The following AGMAT variants were observed in gnomAD, a reference collection of about 807,000 sequenced individuals.
The protein encoded by AGMAT is agmatinase (putative).
In AGMAT, 37 loss-of-function variants were observed where a neutral mutation model predicts 29.3. That is an observed-to-expected ratio of 1.26 (90% CI 0.97 to 1.66). The LOEUF (loss-of-function observed/expected upper bound fraction) is 1.66, where lower values mean the gene tolerates loss of function less well. Ranked by LOEUF, AGMAT falls within the 40% of genes most tolerant of loss-of-function variation. The pLI is 0.00. For missense variants in AGMAT, 498 were observed against 497.8 expected (o/e 1.00, Z 0.00); for synonymous variants, 199 against 200.8 (o/e 0.99, Z 0.08).
chr1:15,573,694 A>C lies in AGMAT; in HGVS notation c.1016T>G (p.Leu339Arg), dbSNP rs769761453. 2 of 1,614,222 alleles carry C rather than the reference A, an allele frequency of 1.2e-6. No individual in the cohort carries two copies. The highest frequency in any genetic ancestry group is 1.7e-4 in the Middle Eastern group (1 of 6,058). The change falls in exon 7 of 7, where the codon CTG becomes CGG. Residue 339 changes from leucine (L) to arginine (R), a missense_variant. Transcript: ENST00000375826. The stretch of plus-strand genomic sequence containing the variant: ...GGGGAGAGCACATAGCATCTCAAAC[A>C]GCAGGTTAGCCGCCAGCAGGGCTGT... ...GNTALLAANL[L>R]FEMLCALPKV...
chr1:15,578,544 C>T (rs1639069903), intron 4 of AGMAT, among the ~76,000 whole-genome samples: 2 of 152,122 alleles, frequency 1.3e-5, no homozygotes, highest in South Asian at 4.2e-4. Flanking sequence ...ATCCACCCAC[C>T]TTAGCCTCCC....
intron 1 of AGMAT, among the ~76,000 whole-genome samples, chr1:15,583,785 G>C (rs1281215207): frequency 6.6e-6 from 1 of 152,162 alleles, no homozygotes; most frequent in Non-Finnish European, 1.5e-5. Flanking sequence ...ATTAAATGAG[G>C]TAATCTATGC....
intron 5 of AGMAT, 38 bp from the exon 6 acceptor site, chr1:15,574,879 T>C: frequency 6.4e-7 from 1 of 1,552,216 alleles, no homozygotes; most frequent in Non-Finnish European, 8.9e-7. Context: ...ACAGTGGTAA[T>C]CATTTACAGT....
rs144825227 is a variant in AGMAT at position 15,576,740 on chromosome 1, C to T, written c.900+945G>A. Among the ~76,000 whole-genome samples, 121 of 35,756 alleles carry T rather than the reference C, an allele frequency of 3.4e-3. 1 individual carries two copies. Among genetic ancestry groups the T allele is most frequent in the East Asian group, 9.8e-3 (5 of 512 alleles). The allele number at this position is 35,756 out of a possible 152,430, so 23.5% of individuals were successfully genotyped here. A position where few individuals can be genotyped will look rare whatever the true frequency, so the allele number is the denominator to read the frequency against. On this transcript the variant is annotated intron_variant, in intron 5 of 6. Coordinates refer to ENST00000375826, the MANE Select transcript of AGMAT (RefSeq NM_024758.5). Reference sequence around the variant, plus strand: ...ACGACACCTGGCCAAGTTTAGTGTTCTTTTTTTTTTTTTTTTTTTTTTTTT... The same window carrying T: ...ACGACACCTGGCCAAGTTTAGTGTTTTTTTTTTTTTTTTTTTTTTTTTTTT...
chr1:15,575,090 C>T, intron 5 of AGMAT: 1 of 374,842 alleles, frequency 2.7e-6, no homozygotes. Flanking sequence ...ATGTCATGCA[C>T]CAAGGGCTTC....
chr1:15,583,246 A>G lies in AGMAT; in HGVS notation c.422T>C (p.Ile141Thr). The G allele has an allele frequency of 6.2e-7, 1 of 1,614,122 alleles. No individual in the cohort carries two copies. Among genetic ancestry groups the G allele is most frequent in the Non-Finnish European group, 8.5e-7 (1 of 1,180,030 alleles). ...LYNLQDSCRRIQEAYEKIVAA... is the reference protein window; with the variant it reads ...LYNLQDSCRRTQEAYEKIVAA... ...TACAATTTTCTCATAGGCCTCTTGA[A>G]TTCGCCGGCAGCTGTCCTGAAGGTT... The change falls in exon 2 of 7, where the codon ATT becomes ACT. Residue 141 changes from isoleucine to threonine, a missense_variant. Transcript: ENST00000375826.
intron 5 of AGMAT, chr1:15,575,115 C>G (rs1452414995): frequency 3.1e-6 from 1 of 323,812 alleles, no homozygotes; most frequent in Non-Finnish European, 5.9e-6. Context: ...AAAGCAAGCC[C>G]AGAATGGTAT....
rs76020730 is a variant in AGMAT at position 15,575,245 on chromosome 1, C to G, written c.901-404G>C. ...CAAAGGCACCAAGATGGGAAAAGTTCAGGTAGTAAGATGTGGCCAGAAGAC... is the reference window on the plus strand; with the variant it reads ...CAAAGGCACCAAGATGGGAAAAGTTGAGGTAGTAAGATGTGGCCAGAAGAC... On this transcript the variant is annotated intron_variant, in intron 5 of 6. Transcript: ENST00000375826. 1,129 of 165,566 alleles carry G rather than the reference C, an allele frequency of 6.8e-3. 16 individuals are homozygous for G. Among genetic ancestry groups the G allele is most frequent in the African/African-American group, 0.025 (1,032 of 42,006 alleles). The allele number at this position is 165,566 out of a possible 1,614,324, so 10.3% of individuals were successfully genotyped here.
chr1:15,580,201 C>CTT (rs34166013), intron 2 of AGMAT, 59 bp from the exon 3 acceptor site: 38,497 of 554,080 alleles, frequency 0.069, 1,273 homozygotes, highest in African/African-American at 0.18. Flanking sequence ...ATAGAATAAT[C>CTT]TTTTTTTTTT....
chr1:15,573,805 C>G, intron 6 of AGMAT, 81 bp from the exon 7 acceptor site: 3 of 1,228,868 alleles, frequency 2.4e-6, no homozygotes, highest in Non-Finnish European at 3.5e-6. Flanking sequence ...GCTTTCTCTT[C>G]CCCTTGTGCC....
intron 3 of AGMAT, among the ~76,000 whole-genome samples, 200 bp downstream of exon 3, chr1:15,579,894 A>G (rs1157754545): frequency 2.0e-5 from 3 of 152,206 alleles, no homozygotes; most frequent in African/African-American, 7.2e-5. Context: ...GAGGGTGGCC[A>G]GAACTGTTAA....
At position 15,584,947 on chromosome 1, in the gene AGMAT, G is replaced by A; in HGVS notation, c.21C>T (p.Ser7=). The A allele has an allele frequency of 7.3e-7, 1 of 1,361,468 alleles. No individual in the cohort carries two copies. Among genetic ancestry groups the A allele is most frequent in the Non-Finnish European group, 9.4e-7 (1 of 1,065,782 alleles). The allele number at this position is 1,361,468 out of a possible 1,614,324, so 84.3% of individuals were successfully genotyped here. MLRLLA[S]GCARGPGPGV... is the part of the protein sequence containing the mutation. ...CGGGCCCCGGGCCCCGGGCGCACCCGGACGCCAGCAGCCTCAGCATTGCCG... is the reference window on the plus strand; with the variant it reads ...CGGGCCCCGGGCCCCGGGCGCACCCAGACGCCAGCAGCCTCAGCATTGCCG... The change falls in exon 1 of 7, where the codon TCC becomes TCT. Residue 7 remains serine, a synonymous_variant. Coordinates refer to ENST00000375826, the MANE Select transcript of AGMAT (RefSeq NM_024758.5).
intron 6 of AGMAT, among the ~76,000 whole-genome samples, chr1:15,574,222 TCTG>T (rs1639000328): frequency 6.6e-6 from 1 of 152,168 alleles, no homozygotes; most frequent in Admixed American, 6.5e-5. Flanking sequence ...TTCTTTCTCT[TCTG>T]CTGATTGGTG....
Position 15,583,372 on chromosome 1 carries a change from T to G in AGMAT, c.296A>C (p.Glu99Ala). Reference sequence around the variant, plus strand: ...GACTGTCCCAAGCATCACTGATTCTTCCCGGATGCGGCGAGGTCCGAATCT... The same window carrying G: ...GACTGTCCCAAGCATCACTGATTCTGCCCGGATGCGGCGAGGTCCGAATCT... The part of the protein sequence containing the change: ...GARFGPRRIR[E>A]ESVMLGTVNP... Residue 99 changes from glutamate (E) to alanine (A), a missense_variant, in exon 2 of 7, where the codon GAA (glutamate) becomes GCA (alanine). Physicochemically the swap from Glu to Ala is moderately radical, Grantham distance 107. Transcript: ENST00000375826. The G allele has an allele frequency of 6.2e-7, 1 of 1,613,920 alleles. No individual in the cohort carries two copies. Among genetic ancestry groups the G allele is most frequent in the Non-Finnish European group, 8.5e-7 (1 of 1,179,966 alleles).
intron 4 of AGMAT, among the ~76,000 whole-genome samples, 153 bp from the exon 5 acceptor site, chr1:15,578,017 G>C (rs1195525062): frequency 6.6e-6 from 1 of 152,220 alleles, no homozygotes; most frequent in East Asian, 1.9e-4. Flanking sequence ...GGAAGGGAGG[G>C]ACAATGAGTG....
At chr1:15,574,606 G>A (rs1402517788) in intron 6 of AGMAT, 151 bp downstream of exon 6, 4 of 604,440 alleles carry the variant, frequency 6.6e-6, no homozygotes, top group African/African-American at 1.9e-5. Flanking sequence ...TTGAACTCCT[G>A]ACCTCAGGTG....
chr1:15,580,977 AAAAAT>A (rs560258515), intron 2 of AGMAT, among the ~76,000 whole-genome samples: 1 of 152,192 alleles, frequency 6.6e-6, no homozygotes, highest in African/African-American at 2.4e-5. Context: ...CTCCATCTCA[AAAAAT>A]AAAATAAAAT....
At chr1:15,583,172 G>A in intron 2 of AGMAT, 21 bp downstream of exon 2, 2 of 1,612,134 alleles carry the variant, frequency 1.2e-6, no homozygotes, top group Non-Finnish European at 1.7e-6. Flanking sequence ...AACTACTCTG[G>A]CTCTTGCAGA....
chr1:15,580,224 G>A, intron 2 of AGMAT, 82 bp from the exon 3 acceptor site: 3 of 657,844 alleles, frequency 4.6e-6, no homozygotes, highest in South Asian at 3.4e-5. Context: ...TTTTTTTTTT[G>A]AGATGTAGTT....
Sources: allele counts gnomAD v4.1 joint callset (sites outside exome capture counted in the v4.1 genomes callset), GRCh38; gene constraint gnomAD v4.1.1; transcripts MANE v1.5; gene names NCBI Gene and HGNC (gene_info 2026-07-23, HGNC 2026-07-21).